The following ZBTB20 variants were observed in gnomAD, a reference collection of about 807,000 sequenced individuals.
ZBTB20 encodes zinc finger and BTB domain-containing protein 20.
ZBTB20 carries 9 observed loss-of-function variants against 56.9 expected under a neutral mutation model. The observed-to-expected ratio is 0.16, with a 90% confidence interval of 0.10 to 0.28. ZBTB20 has a LOEUF of 0.28. ZBTB20 is among the 10% of genes least tolerant of loss of function. ZBTB20 has a pLI of 1.00. For missense variants in ZBTB20, 655 were observed against 1,003.0 expected (o/e 0.65, Z 4.69); for synonymous variants, 417 against 420.7 (o/e 0.99, Z 0.11).
At chr3:114,423,487 A>AG (rs2089372400) in intron 7 of ZBTB20, among the ~76,000 whole-genome samples, 1 of 152,228 alleles carries the variant, frequency 6.6e-6, no homozygotes, top group African/African-American at 2.4e-5. Flanking sequence ...AAGCTTAGCA[A>AG]GGGTTCAGAG....
At chr3:114,965,649 A>G (rs2077619876) in intron 3 of ZBTB20, among the ~76,000 whole-genome samples, 1 of 152,106 alleles carries the variant, frequency 6.6e-6, no homozygotes, top group African/African-American at 2.4e-5. Context: ...CATCATGTTT[A>G]TGTATATTAT....
intron 4 of ZBTB20, among the ~76,000 whole-genome samples, chr3:114,863,927 C>T (rs2075649461): frequency 6.6e-6 from 1 of 152,032 alleles, no homozygotes. Flanking sequence ...TTAACATTTT[C>T]TTCTTCCTCT....
chr3:115,133,405 A>G (rs770556455), intron 1 of ZBTB20, among the ~76,000 whole-genome samples: 1 of 152,218 alleles, frequency 6.6e-6, no homozygotes, highest in Non-Finnish European at 1.5e-5. Flanking sequence ...ACATAAACTC[A>G]CCATTTTAAC....
At chr3:114,823,473 CA>C (rs150685806) in intron 4 of ZBTB20, among the ~76,000 whole-genome samples, 19,550 of 151,922 alleles carry the variant, frequency 0.13, 1,562 homozygotes, top group African/African-American at 0.22. Flanking sequence ...AAGAAAAAAT[CA>C]AAGAACTCTA....
chr3:114,521,065 A>G (rs907105014), intron 6 of ZBTB20, among the ~76,000 whole-genome samples: 1 of 152,182 alleles, frequency 6.6e-6, no homozygotes, highest in African/African-American at 2.4e-5. Context: ...TAAACTTACA[A>G]ATTTTAAAAG....
chr3:114,996,581 C>G (rs2079037431), intron 2 of ZBTB20, among the ~76,000 whole-genome samples: 1 of 151,936 alleles, frequency 6.6e-6, no homozygotes, highest in Admixed American at 6.6e-5. Flanking sequence ...TGTATATGTG[C>G]CACATTTTCT....
chr3:114,452,214 A>G (rs969441735), intron 7 of ZBTB20, among the ~76,000 whole-genome samples: 3 of 152,214 alleles, frequency 2.0e-5, no homozygotes, highest in African/African-American at 7.2e-5. Context: ...CTTGTCTTCA[A>G]TATAAAACTT....
At chr3:114,915,037 C>CT (rs891931631) in intron 3 of ZBTB20, among the ~76,000 whole-genome samples, 29 of 142,930 alleles carry the variant, frequency 2.0e-4, no homozygotes, top group Middle Eastern at 3.5e-3. Flanking sequence ...GTTTTCTTTT[C>CT]TTTTTTTTTT....
chr3:114,808,960 C>T (rs1193980969), intron 4 of ZBTB20, among the ~76,000 whole-genome samples: 2 of 151,904 alleles, frequency 1.3e-5, no homozygotes, highest in Non-Finnish European at 2.9e-5. Context: ...TATAAAATTC[C>T]TAAATGACAT....
intron 7 of ZBTB20, among the ~76,000 whole-genome samples, chr3:114,402,496 A>G (rs2086910154): frequency 6.6e-6 from 1 of 152,154 alleles, no homozygotes; most frequent in Non-Finnish European, 1.5e-5. Flanking sequence ...CTGTTCTCTA[A>G]TGGTCTTTGC....
chr3:114,719,244 A>G (rs1399536051), intron 5 of ZBTB20, among the ~76,000 whole-genome samples: 1 of 151,990 alleles, frequency 6.6e-6, no homozygotes, highest in Non-Finnish European at 1.5e-5. Flanking sequence ...GCTGCTTATC[A>G]TAATATCAAA....
intron 4 of ZBTB20, among the ~76,000 whole-genome samples, chr3:114,836,864 G>A (rs1379519282): frequency 3.3e-5 from 5 of 151,996 alleles, no homozygotes; most frequent in Non-Finnish European, 5.9e-5. Context: ...CATTCCTTTG[G>A]TAAAATTCTA....
intron 6 of ZBTB20, among the ~76,000 whole-genome samples, chr3:114,544,429 CTTTCTTTCTT>C (rs2049525772): frequency 1.3e-5 from 1 of 78,212 alleles, no homozygotes; most frequent in Non-Finnish European, 2.4e-5. Flanking sequence ...TTCTTTCTTT[CTTTCTTTCTT>C]TCTTTCTTTC....
intron 10 of ZBTB20, chr3:114,356,293 A>G (rs980133685): frequency 1.3e-5 from 2 of 152,194 alleles, no homozygotes; most frequent in Non-Finnish European, 2.9e-5. Flanking sequence ...GGGTCCAGGG[A>G]TAGGACTTAG....
At chr3:114,798,132 C>T (rs1404268578) in intron 5 of ZBTB20, among the ~76,000 whole-genome samples, 1 of 151,764 alleles carries the variant, frequency 6.6e-6, no homozygotes, top group East Asian at 1.9e-4. Context: ...CGTACACACC[C>T]TTGGGAAGTT....
chr3:115,004,414 C>T (rs2079382728), intron 2 of ZBTB20, among the ~76,000 whole-genome samples: 1 of 151,622 alleles, frequency 6.6e-6, no homozygotes, highest in African/African-American at 2.4e-5. Flanking sequence ...GCCTTTAAAA[C>T]AAAATATTTT....
chr3:115,096,708 C>T (rs981013524), intron 1 of ZBTB20, among the ~76,000 whole-genome samples: 3 of 152,140 alleles, frequency 2.0e-5, no homozygotes, highest in Non-Finnish European at 2.9e-5. Flanking sequence ...TCCTATGTGG[C>T]GGCATGACCG....
intron 6 of ZBTB20, among the ~76,000 whole-genome samples, chr3:114,597,875 CTTTTT>C (rs1416730048): frequency 6.6e-6 from 1 of 152,002 alleles, no homozygotes; most frequent in African/African-American, 2.4e-5. Flanking sequence ...TAGTACTTTT[CTTTTT>C]TATGTTAGGA....
intron 5 of ZBTB20, among the ~76,000 whole-genome samples, chr3:114,777,914 C>T (rs1338629344): frequency 1.3e-5 from 2 of 151,572 alleles, no homozygotes; most frequent in African/African-American, 4.8e-5. Context: ...ACTATGCAGC[C>T]ATAAAAAATG....
Sources: gnomAD v4.1 joint callset for allele counts (sites outside exome capture counted in the v4.1 genomes callset) on GRCh38, gnomAD v4.1.1 for gene constraint, MANE v1.5 for transcripts, NCBI Gene and HGNC (gene_info 2026-07-23, HGNC 2026-07-21) for gene names.